Variants in CREM observed in about 807,000 individuals in gnomAD.
The protein encoded by CREM is cAMP responsive element modulator.
Under a neutral mutation model 37.3 loss-of-function variants are expected in CREM, and 13 were observed. That is an observed-to-expected ratio of 0.35 (90% confidence interval 0.23 to 0.55). The LOEUF is 0.55. Ranked by LOEUF, CREM falls within the 20% of genes least tolerant of loss-of-function variation. CREM has a pLI of 0.88. For synonymous variants in CREM, 124 were observed against 120.2 expected (o/e 1.03, Z -0.21); for missense variants, 296 against 362.3 (o/e 0.82, Z 1.49).
intron 2 of CREM, among the ~76,000 whole-genome samples, chr10:35,144,891 T>C (rs1343515731): frequency 6.6e-6 from 1 of 151,994 alleles, no homozygotes; most frequent in Admixed American, 6.6e-5. Context: ...CTGGGCATGG[T>C]GGCCATGCCT....
At chr10:35,138,096 T>C (rs889143647) in intron 2 of CREM, among the ~76,000 whole-genome samples, 8 of 152,370 alleles carry the variant, frequency 5.3e-5, no homozygotes, top group African/African-American at 1.2e-4. Context: ...AGTTGACTTA[T>C]GCTAAGTACT....
chr10:35,194,121 A>AAAAAAAAAAAAAAAAAC (rs1564945849), intron 6 of CREM, among the ~76,000 whole-genome samples: 1 of 150,560 alleles, frequency 6.6e-6, no homozygotes, highest in African/African-American at 2.4e-5. Context: ...AAAAAAAAAA[A>AAAAAAAAAAAAAAAAAC]AAAGACAAAA....
intron 6 of CREM, chr10:35,195,964 C>T: frequency 1.5e-6 from 2 of 1,346,380 alleles, no homozygotes; most frequent in Middle Eastern, 1.8e-4. Flanking sequence ...TCCAAGCTGC[C>T]TTTTAGACTG....
chr10:35,138,451 A>C (rs2090933266), intron 2 of CREM, among the ~76,000 whole-genome samples: 1 of 152,084 alleles, frequency 6.6e-6, no homozygotes, highest in Non-Finnish European at 1.5e-5. Context: ...AGAGATGAAA[A>C]ATTTTTTCAA....
chr10:35,131,388 T>G (rs1174552289), intron 1 of CREM, among the ~76,000 whole-genome samples: 2 of 152,136 alleles, frequency 1.3e-5, no homozygotes, highest in Non-Finnish European at 2.9e-5. Flanking sequence ...CAACTTAGAA[T>G]AGCAAAATAG....
At chr10:35,178,777 C>G (rs1202403506) in intron 3 of CREM, 112 bp from the exon 4 acceptor site, 1 of 739,504 alleles carries the variant, frequency 1.4e-6, no homozygotes. Context: ...TGCTCAGTTG[C>G]TTCCACAGCT....
At chr10:35,145,662 C>T (rs1196740959) in intron 2 of CREM, among the ~76,000 whole-genome samples, 4 of 151,356 alleles carry the variant, frequency 2.6e-5, no homozygotes. Context: ...GTCAGTAATC[C>T]CAGCTACGTG....
At chr10:35,186,700 G>T (rs2094565833) in intron 5 of CREM, among the ~76,000 whole-genome samples, 2 of 132,676 alleles carry the variant, frequency 1.5e-5, no homozygotes. Context: ...AAAAATTTTG[G>T]TCATATATAC....
intron 5 of CREM, among the ~76,000 whole-genome samples, chr10:35,181,142 A>G (rs1447959283): frequency 6.6e-6 from 1 of 152,206 alleles, no homozygotes; most frequent in Non-Finnish European, 1.5e-5. Flanking sequence ...TGAAAATTTG[A>G]AATTGTGAAA....
intron 3 of CREM, among the ~76,000 whole-genome samples, chr10:35,151,454 C>T (rs1644051704): frequency 6.6e-6 from 1 of 152,196 alleles, no homozygotes; most frequent in Non-Finnish European, 1.5e-5. Flanking sequence ...CTGCTCACTG[C>T]ATCCTCCACC....
intron 1 of CREM, among the ~76,000 whole-genome samples, chr10:35,130,190 C>CA (rs1316957457): frequency 9.0e-6 from 1 of 111,708 alleles, no homozygotes; most frequent in Non-Finnish European, 1.7e-5. Context: ...GAGCCAAACT[C>CA]AGTCTCAAAA....
intron 2 of CREM, among the ~76,000 whole-genome samples, chr10:35,143,694 T>C (rs2091736748): frequency 1.3e-5 from 2 of 152,170 alleles, no homozygotes; most frequent in Admixed American, 6.5e-5. Flanking sequence ...GATTATCTTA[T>C]GGATGGGTTC....
intron 3 of CREM, chr10:35,158,345 A>G: frequency 4.7e-6 from 1 of 212,042 alleles, no homozygotes; most frequent in Non-Finnish European, 9.4e-6. Flanking sequence ...GCTGCTACAG[A>G]CCGAGAAGCA....
intron 2 of CREM, among the ~76,000 whole-genome samples, chr10:35,140,655 C>A (rs964169106): frequency 3.9e-5 from 6 of 152,168 alleles, no homozygotes; most frequent in Non-Finnish European, 2.9e-5. Context: ...AGTGTTATAA[C>A]AGACTTGTAA....
chr10:35,188,925 C>T (rs1032413674), intron 6 of CREM, among the ~76,000 whole-genome samples: 1 of 152,120 alleles, frequency 6.6e-6, no homozygotes, highest in African/African-American at 2.4e-5. Context: ...GTGGAGGCCT[C>T]AGCCTCCTAA....
chr10:35,188,893 G>A (rs2094777471), intron 6 of CREM, among the ~76,000 whole-genome samples: 1 of 152,036 alleles, frequency 6.6e-6, no homozygotes, highest in African/African-American at 2.4e-5. Context: ...CCTGACCTCA[G>A]ATGGAGTCGT....
Position 35,148,482 on chromosome 10 carries a change from T to A in CREM, c.159T>A (p.Ala53=). ...QTQTGQNSIP[A]LAQVAAIAET... ...AGACTGGCCAAAATTCAATCCCTGC[T>A]TTAGCTCAGGTAGGCAATAGGCAGG... is the stretch of plus-strand genomic sequence containing the variant. Residue 53 remains alanine, a synonymous_variant, in exon 3 of 8, where the codon GCT becomes GCA. Coordinates refer to ENST00000685392, the MANE Select transcript of CREM (RefSeq NM_183011.2). 1 of 1,611,660 alleles carries A rather than the reference T, an allele frequency of 6.2e-7. No homozygotes were observed. The highest frequency in any genetic ancestry group is 8.5e-7 in the Non-Finnish European group (1 of 1,179,030).
intron 2 of CREM, among the ~76,000 whole-genome samples, chr10:35,143,818 A>G (rs1421693950): frequency 1.3e-5 from 2 of 152,176 alleles, no homozygotes; most frequent in Admixed American, 1.3e-4. Flanking sequence ...GCCAGTCAAC[A>G]TGCTGACCTT....
intron 3 of CREM, among the ~76,000 whole-genome samples, chr10:35,170,399 A>T (rs1182440764): frequency 1.3e-5 from 2 of 152,128 alleles, no homozygotes; most frequent in Non-Finnish European, 2.9e-5. Context: ...TGGTATCAGG[A>T]TGATGCTGGC....
Sources: allele counts gnomAD v4.1 joint callset (sites outside exome capture counted in the v4.1 genomes callset), GRCh38; gene constraint gnomAD v4.1.1; transcripts MANE v1.5; gene names NCBI Gene and HGNC (gene_info 2026-07-23, HGNC 2026-07-21).